Variants in WDFY2 observed in about 807,000 individuals in gnomAD.
WDFY2 encodes the protein WD repeat and FYVE domain-containing protein 2.
WDFY2 carries 36 observed loss-of-function variants against 56.4 expected under a neutral mutation model. That is an observed-to-expected ratio of 0.64 (90% confidence interval 0.49 to 0.84). The LOEUF is 0.84. WDFY2 is among the 40% of genes least tolerant of loss of function. The pLI, the probability that WDFY2 is intolerant of heterozygous loss-of-function variation, is 0.00. For synonymous variants in WDFY2, 176 were observed against 183.7 expected (o/e 0.96, Z 0.34); for missense variants, 444 against 512.2 (o/e 0.87, Z 1.29).
intron 1 of WDFY2, among the ~76,000 whole-genome samples, chr13:51,655,371 A>G (rs1203249173): frequency 3.3e-5 from 5 of 151,816 alleles, no homozygotes; most frequent in East Asian, 1.9e-4. Flanking sequence ...ATTTTCTTCT[A>G]TTCCTAGTAT....
chr13:51,747,926 A>G (rs2050066127), intron 7 of WDFY2, among the ~76,000 whole-genome samples: 1 of 152,094 alleles, frequency 6.6e-6, no homozygotes, highest in Non-Finnish European at 1.5e-5. Context: ...TAAAAATTTT[A>G]TTTTTTCAAA....
intron 3 of WDFY2, among the ~76,000 whole-genome samples, chr13:51,681,899 G>T (rs771697067): frequency 6.6e-6 from 1 of 152,138 alleles, no homozygotes; most frequent in Non-Finnish European, 1.5e-5. Flanking sequence ...TTCTCCCTCA[G>T]TTATGTCATT....
rs545474478 is a variant in WDFY2 at position 51,656,053 on chromosome 13, CTT to C, written c.138-4527_138-4526del. On this transcript the variant is annotated intron_variant, in intron 1 of 11. Coordinates refer to ENST00000298125, the MANE Select transcript of WDFY2 (RefSeq NM_052950.4). ...TGTTTCATTGATTCTCTATCTTTCC[CTT>C]TTTTTTTTTTTTTTTCCTGCTCTAA... 5.1e-3 allele frequency among the ~76,000 whole-genome samples: 681 copies of C among 133,524 alleles called. 5 individuals carry two copies. Among genetic ancestry groups the C allele is most frequent in the African/African-American group, 0.014 (520 of 36,458 alleles). 87.6% of individuals were successfully genotyped at this position (133,524 alleles called of 152,430 possible). A position where few individuals can be genotyped will look rare whatever the true frequency, so the allele number is the denominator to read the frequency against.
At chr13:51,602,286 C>T (rs368091370) in intron 1 of WDFY2, among the ~76,000 whole-genome samples, 7 of 152,154 alleles carry the variant, frequency 4.6e-5, no homozygotes, top group South Asian at 2.1e-4. Context: ...CAACTTTTTC[C>T]GTGTTTAAAT....
intron 1 of WDFY2, among the ~76,000 whole-genome samples, chr13:51,635,401 A>C (rs1481846246): frequency 6.6e-6 from 1 of 152,248 alleles, no homozygotes; most frequent in Non-Finnish European, 1.5e-5. Context: ...GGCATAAATT[A>C]GACGTGATCA....
At chr13:51,595,910 A>G (rs908927126) in intron 1 of WDFY2, among the ~76,000 whole-genome samples, 1 of 152,210 alleles carries the variant, frequency 6.6e-6, no homozygotes, top group African/African-American at 2.4e-5. Flanking sequence ...TTTGGGGGCC[A>G]GGGACTGGAG....
chr13:51,646,405 G>A (rs1016981355), intron 1 of WDFY2, among the ~76,000 whole-genome samples: 11 of 152,190 alleles, frequency 7.2e-5, no homozygotes, highest in African/African-American at 2.7e-4. Context: ...AACCCTGCCT[G>A]AGCCCGGGCT....
rs1952555432 is a variant in WDFY2 at position 51,724,248 on chromosome 13, T to TG, written c.486-3430_486-3429insG. Among the ~76,000 whole-genome samples the TG allele has an allele frequency of 2.7e-5, 4 of 146,360 alleles. No individual in the cohort carries two copies. The South Asian group carries it at 8.9e-4, about 33-fold the overall frequency. ...TTTTTTAACTTTTTTTTTTTTTTTT[T>TG]TTTTTTGAGATGGCGTTTCACTCTT... On this transcript the variant is annotated intron_variant, in intron 5 of 11. Coordinates refer to ENST00000298125, the MANE Select transcript of WDFY2 (RefSeq NM_052950.4).
chr13:51,601,801 C>T (rs374752544), intron 1 of WDFY2, among the ~76,000 whole-genome samples: 458 of 152,326 alleles, frequency 3.0e-3, no homozygotes, highest in Non-Finnish European at 5.0e-3. Flanking sequence ...ACAATGCCAC[C>T]TCTCCATGAG....
intron 2 of WDFY2, among the ~76,000 whole-genome samples, chr13:51,662,880 G>A (rs1955640006): frequency 1.3e-5 from 2 of 152,158 alleles, no homozygotes; most frequent in Non-Finnish European, 2.9e-5. Context: ...GTTAAAAAGG[G>A]ATTACTTTGC....
chr13:51,631,382 T>A (rs1431945246), intron 1 of WDFY2, among the ~76,000 whole-genome samples: 2 of 145,608 alleles, frequency 1.4e-5, no homozygotes, highest in Non-Finnish European at 3.0e-5. Context: ...TGAAGCAAGA[T>A]CCTGTCTCTA....
In WDFY2 at chr13:51,748,590, CT is replaced by C. The variant is rs1353191403; in HGVS notation, c.726-2716del. Among the ~76,000 whole-genome samples, 5 of 152,032 alleles carry C rather than the reference CT, an allele frequency of 3.3e-5. No homozygotes were observed. The East Asian group carries it at 9.7e-4, about 29-fold the overall frequency. On this transcript the variant is annotated intron_variant, in intron 7 of 11. Coordinates refer to ENST00000298125, the MANE Select transcript of WDFY2 (RefSeq NM_052950.4). ...ACACAATTTTAAATAATTTAAAATT[CT>C]TTTCACACGTGAGTACTCCTTGTTC... is the stretch of plus-strand genomic sequence containing the variant.
intron 4 of WDFY2, among the ~76,000 whole-genome samples, chr13:51,704,043 T>A (rs950033905): frequency 6.6e-6 from 1 of 152,228 alleles, no homozygotes; most frequent in Admixed American, 6.5e-5. Flanking sequence ...GGAAGAATTG[T>A]GGTTTTATCA....
At position 51,758,309 on chromosome 13, in the gene WDFY2, C is replaced by T; in HGVS notation, c.1173+9C>T. 1.3e-6 allele frequency: 2 copies of T among 1,559,276 alleles called. No individual in the cohort carries two copies. Among genetic ancestry groups the T allele is most frequent in the Non-Finnish European group, 8.8e-7 (1 of 1,136,134 alleles). On this transcript the variant is annotated intron_variant, in intron 11 of 11. Transcript: ENST00000298125. ...CTGACAAGGTTATTAAGGTAAGATG[C>T]CATCTTATTAAGAAGCTTTCCATCT...
chr13:51,624,874 C>CTTCT (rs1954811356), intron 1 of WDFY2, among the ~76,000 whole-genome samples: 2 of 152,224 alleles, frequency 1.3e-5, no homozygotes, highest in South Asian at 4.1e-4. Context: ...TTTCAGCAGG[C>CTTCT]CAGTGTGTCT....
At chr13:51,726,663 A>G (rs1360835225) in intron 5 of WDFY2, among the ~76,000 whole-genome samples, 1 of 152,214 alleles carries the variant, frequency 6.6e-6, no homozygotes, top group Non-Finnish European at 1.5e-5. Context: ...AATGGTGGGA[A>G]CCTTCCCAAA....
chr13:51,594,509 C>T (rs1315531678), intron 1 of WDFY2, among the ~76,000 whole-genome samples: 1 of 152,212 alleles, frequency 6.6e-6, no homozygotes, highest in Non-Finnish European at 1.5e-5. Context: ...TTCTCATAAT[C>T]AGCAGGGCCT....
At chr13:51,700,596 A>G (rs1388197440) in intron 3 of WDFY2, among the ~76,000 whole-genome samples, 1 of 152,222 alleles carries the variant, frequency 6.6e-6, no homozygotes, top group Non-Finnish European at 1.5e-5. Flanking sequence ...GGAGACATAT[A>G]AAGATATAAT....
chr13:51,722,759 G>C (rs551610062), intron 5 of WDFY2, among the ~76,000 whole-genome samples: 1 of 152,278 alleles, frequency 6.6e-6, no homozygotes, highest in East Asian at 1.9e-4. Context: ...GCACAACTGG[G>C]TACAGCAGAA....
Sources: allele counts gnomAD v4.1 joint callset (sites outside exome capture counted in the v4.1 genomes callset), GRCh38; gene constraint gnomAD v4.1.1; transcripts MANE v1.5; gene names NCBI Gene and HGNC (gene_info 2026-07-23, HGNC 2026-07-21).